AMOTL1: variants seen among roughly 807,000 people sequenced by gnomAD.
The protein encoded by AMOTL1 is angiomotin like 1, also known as angiomotin-like protein 1.
Under a neutral mutation model 102.9 loss-of-function variants are expected in AMOTL1, and 45 were observed. The ratio of observed to expected loss-of-function variants is 0.44; its 90% confidence interval spans 0.34 to 0.56. The LOEUF is 0.56. Ranked by LOEUF, AMOTL1 falls within the 20% of genes least tolerant of loss-of-function variation. The pLI is 0.01. For synonymous variants in AMOTL1, 481 were observed against 484.7 expected, an observed-to-expected ratio of 0.99 and a Z score of 0.10; for missense variants, 1,114 against 1,225.6, an observed-to-expected ratio of 0.91 and a Z score of 1.36.
intron 3 of AMOTL1, among the ~76,000 whole-genome samples, chr11:94,742,005 G>A (rs1185571543): frequency 6.6e-6 from 1 of 152,310 alleles, no homozygotes; most frequent in East Asian, 1.9e-4. Context: ...AGGACCTGAA[G>A]CAAAATTCCA....
At chr11:94,867,784 C>T (rs1334712992) in intron 11 of AMOTL1, among the ~76,000 whole-genome samples, 1 of 152,196 alleles carries the variant, frequency 6.6e-6, no homozygotes, top group Non-Finnish European at 1.5e-5. Context: ...GCCTGTCACT[C>T]CCTACGAGGA....
chr11:94,771,282 C>T (rs1591949022), intron 1 of AMOTL1, among the ~76,000 whole-genome samples: 1 of 140,662 alleles, frequency 7.1e-6, no homozygotes, highest in Non-Finnish European at 1.5e-5. Context: ...CGGTGTGTGG[C>T]TATCTGCATT....
At chr11:94,789,405 C>T (rs1315081762) in intron 1 of AMOTL1, among the ~76,000 whole-genome samples, 1 of 152,202 alleles carries the variant, frequency 6.6e-6, no homozygotes, top group East Asian at 1.9e-4. Flanking sequence ...GTAATCCACC[C>T]TCCTCGGCCT....
chr11:94,815,049 T>C (rs1013382898), intron 3 of AMOTL1, among the ~76,000 whole-genome samples: 7 of 152,206 alleles, frequency 4.6e-5, no homozygotes, highest in Non-Finnish European at 8.8e-5. Flanking sequence ...TTGAGCCAAA[T>C]GCTTTTTCAA....
At chr11:94,851,450 G>A (rs1565381248) in intron 7 of AMOTL1, among the ~76,000 whole-genome samples, 2 of 152,122 alleles carry the variant, frequency 1.3e-5, no homozygotes, top group African/African-American at 4.8e-5. Flanking sequence ...TTGGTTGAAT[G>A]TAGCCTCTCC....
At chr11:94,868,884 G>C (rs1952934912) in intron 11 of AMOTL1, among the ~76,000 whole-genome samples, 1 of 150,016 alleles carries the variant, frequency 6.7e-6, no homozygotes, top group Non-Finnish European at 1.5e-5. Flanking sequence ...TAATTTATTT[G>C]TATCCTACAG....
intron 6 of AMOTL1, among the ~76,000 whole-genome samples, chr11:94,841,975 G>A (rs1046869407): frequency 1.3e-5 from 2 of 152,140 alleles, no homozygotes; most frequent in East Asian, 3.8e-4. Flanking sequence ...ACTCACTGCG[G>A]GTTCTGGATA....
chr11:94,783,341 C>A (rs1026943290), intron 1 of AMOTL1, among the ~76,000 whole-genome samples: 2 of 152,168 alleles, frequency 1.3e-5, no homozygotes, highest in African/African-American at 4.8e-5. Flanking sequence ...TTGGTTACGT[C>A]CATTTGCCTG....
chr11:94,831,196 C>G (rs930354436), intron 5 of AMOTL1, among the ~76,000 whole-genome samples: 2 of 152,174 alleles, frequency 1.3e-5, no homozygotes, highest in Non-Finnish European at 2.9e-5. Flanking sequence ...TGGTTTTTCT[C>G]AGCACCTCTC....
At chr11:94,790,731 T>A (rs956020324) in intron 1 of AMOTL1, among the ~76,000 whole-genome samples, 44 of 152,140 alleles carry the variant, frequency 2.9e-4, no homozygotes, top group African/African-American at 9.7e-4. Flanking sequence ...ACAAGGGACT[T>A]CCTAGTTGTG....
intron 1 of AMOTL1, among the ~76,000 whole-genome samples, chr11:94,770,019 C>A (rs1038301769): frequency 2.0e-5 from 3 of 152,146 alleles, no homozygotes; most frequent in Non-Finnish European, 4.4e-5. Context: ...CCTTCCTTTT[C>A]GGGAAGCAAA....
intron 1 of AMOTL1, among the ~76,000 whole-genome samples, chr11:94,727,620 G>A (rs1019589242): frequency 6.6e-6 from 1 of 152,154 alleles, no homozygotes; most frequent in African/African-American, 2.4e-5. Flanking sequence ...AGGAAATTAA[G>A]CCCAGAGAAA....
upstream of AMOTL1, among the ~76,000 whole-genome samples, chr11:94,766,938 T>C (rs1225828687): frequency 6.6e-6 from 1 of 152,162 alleles, no homozygotes; most frequent in Non-Finnish European, 1.5e-5. Flanking sequence ...CTATGCCTTC[T>C]TCCCAAGCAC....
At chr11:94,774,199 C>T (rs78110707) in intron 1 of AMOTL1, among the ~76,000 whole-genome samples, 8,733 of 152,284 alleles carry the variant, frequency 0.057, 554 homozygotes, top group East Asian at 0.28. Context: ...TGTTCTTACT[C>T]ATGGAAGTGT....
At chr11:94,842,464 GA>G in intron 6 of AMOTL1, among the ~76,000 whole-genome samples, 1 of 152,312 alleles carries the variant, frequency 6.6e-6, no homozygotes, top group Middle Eastern at 3.4e-3. Flanking sequence ...GGTGGGCCTT[GA>G]AAAGTCATTA....
chr11:94,768,282 A>G (rs566998836), upstream of AMOTL1: 22 of 1,275,302 alleles, frequency 1.7e-5, no homozygotes, highest in South Asian at 3.5e-4. Context: ...GGTGGAGTGT[A>G]GGGTTCTAGT....
At chr11:94,810,027 A>G (rs1951644391) in intron 3 of AMOTL1, among the ~76,000 whole-genome samples, 1 of 152,182 alleles carries the variant, frequency 6.6e-6, no homozygotes, top group African/African-American at 2.4e-5. Context: ...CTCCTATTTT[A>G]GACTTCCAAT....
At chr11:94,796,794 T>A (rs797021868) in intron 2 of AMOTL1, among the ~76,000 whole-genome samples, 20 of 152,254 alleles carry the variant, frequency 1.3e-4, no homozygotes, top group African/African-American at 4.6e-4. Flanking sequence ...ATACCAAAAA[T>A]GTAGGAGGGA....
intron 3 of AMOTL1, among the ~76,000 whole-genome samples, chr11:94,803,866 C>T (rs1337682784): frequency 6.6e-6 from 1 of 152,200 alleles, no homozygotes; most frequent in Non-Finnish European, 1.5e-5. Flanking sequence ...ATCCTACTTT[C>T]CTAATACACC....
Sources: allele counts gnomAD v4.1 joint callset (sites outside exome capture counted in the v4.1 genomes callset), GRCh38; gene constraint gnomAD v4.1.1; transcripts MANE v1.5; gene names NCBI Gene and HGNC (gene_info 2026-07-23, HGNC 2026-07-21).